The following SLC25A26 variants were observed in gnomAD, a reference collection of about 807,000 sequenced individuals.
The protein encoded by SLC25A26 is solute carrier family 25 member 26, also known as mitochondrial S-adenosylmethionine carrier protein.
SLC25A26 carries 36 observed loss-of-function variants against 37.8 expected under a neutral mutation model. The observed-to-expected ratio is 0.95, with a 90% confidence interval of 0.73 to 1.26. The LOEUF is 1.26. SLC25A26 is among the 50% of genes most tolerant of loss of function. The pLI is 0.00. For missense variants in SLC25A26, 390 were observed against 331.1 expected (o/e 1.18, Z -1.38); for synonymous variants, 129 against 122.5 (o/e 1.05, Z -0.35).
At chr3:66,181,824 T>C (rs1048208007) in intron 1 of SLC25A26, among the ~76,000 whole-genome samples, 1 of 150,410 alleles carries the variant, frequency 6.6e-6, no homozygotes, top group Non-Finnish European at 1.5e-5. Context: ...GTATTGAGTT[T>C]CTATCACATT....
chr3:66,148,611 T>C (rs760494641), intron 1 of SLC25A26, among the ~76,000 whole-genome samples: 2 of 152,258 alleles, frequency 1.3e-5, no homozygotes, highest in Non-Finnish European at 2.9e-5. Flanking sequence ...GAATAAGCTG[T>C]GCTGACAGCA....
At chr3:66,161,694 T>G (rs528601518) in intron 1 of SLC25A26, among the ~76,000 whole-genome samples, 1 of 152,332 alleles carries the variant, frequency 6.6e-6, no homozygotes, top group East Asian at 1.9e-4. Context: ...CATAATATTT[T>G]TTCATTCATA....
chr3:66,373,677 T>A (rs78628232), intron 9 of SLC25A26, among the ~76,000 whole-genome samples: 1 of 49,462 alleles, frequency 2.0e-5, no homozygotes, highest in South Asian at 4.0e-4. Context: ...TGATGCTGAT[T>A]TTTTTTTTTT....
intron 1 of SLC25A26, among the ~76,000 whole-genome samples, chr3:66,150,620 ATATATATATATATATATATAT>A (rs2070191493): frequency 2.0e-5 from 1 of 50,540 alleles, no homozygotes; most frequent in South Asian, 6.5e-4. Flanking sequence ...ATATATATAT[ATATATATATATATATATATAT>A]ATATATATAT....
In SLC25A26 at chr3:66,370,613, G is replaced by T. The variant is rs756028804; in HGVS notation, c.707+11G>T. On this transcript the variant is annotated intron_variant, in intron 9 of 9. Transcript: ENST00000354883. ...ACAGGGGCTGGCAGGGTAAGACGAG[G>T]AATGCCCTCCTTCCTTTCTTCCTCT... 3.1e-6 allele frequency: 5 copies of T among 1,610,174 alleles called. No homozygotes were observed. The highest frequency in any genetic ancestry group is 4.2e-6 in the Non-Finnish European group (5 of 1,177,228).
At chr3:66,350,781 C>A (rs1425878206) in intron 6 of SLC25A26, among the ~76,000 whole-genome samples, 2 of 152,050 alleles carry the variant, frequency 1.3e-5, no homozygotes, top group African/African-American at 4.8e-5. Flanking sequence ...GAATAGCCTC[C>A]TTACTGCCTC....
chr3:66,173,880 G>A lies in SLC25A26; in HGVS notation c.-354+39896G>A, dbSNP rs1335801523. Among the ~76,000 whole-genome samples the A allele has an allele frequency of 2.8e-5, 4 of 142,374 alleles. No homozygotes were observed. The East Asian group carries it at 7.8e-4, about 28-fold the overall frequency. The allele number at this position is 142,374 out of a possible 152,430, so 93.4% of individuals were successfully genotyped here. ...AGCCTGGCCAATATGGTGTAACCCT[G>A]TCTCTACTAAAAACACAAAAAAATT... On this transcript the variant is annotated intron_variant, in intron 1 of 10. Transcript: ENST00000676754.
chr3:66,310,696 A>G lies in SLC25A26; in HGVS notation c.454-35668A>G, dbSNP rs147852030. 4.9e-3 allele frequency among the ~76,000 whole-genome samples: 744 copies of G among 152,302 alleles called. 11 individuals carry two copies. The highest frequency in any genetic ancestry group is 0.013 in the African/African-American group (547 of 41,564). On this transcript the variant is annotated intron_variant, in intron 5 of 9. Transcript: ENST00000354883. ...TTGTAAGGCAGGCCCGGTGGTGACAAAATCTCTTAGCATTTGCTTGTCTGT... is the reference window on the plus strand; with the variant it reads ...TTGTAAGGCAGGCCCGGTGGTGACAGAATCTCTTAGCATTTGCTTGTCTGT...
chr3:66,227,068 T>G (rs2106924486), intron 1 of SLC25A26, among the ~76,000 whole-genome samples: 1 of 152,352 alleles, frequency 6.6e-6, no homozygotes, highest in African/African-American at 2.4e-5. Context: ...TCATACTGCT[T>G]TCTCAGTTTG....
At chr3:66,263,245 CAA>C in intron 4 of SLC25A26, 85 bp from the exon 5 acceptor site, 1 of 902,462 alleles carries the variant, frequency 1.1e-6, no homozygotes, top group South Asian at 1.4e-5. Flanking sequence ...AGAACTCAAA[CAA>C]GAGCAGGTAG....
intron 5 of SLC25A26, among the ~76,000 whole-genome samples, chr3:66,297,329 A>T (rs1167906516): frequency 3.0e-5 from 1 of 33,450 alleles, no homozygotes. Flanking sequence ...ACTCCATCTC[A>T]AAAAAAAAAA....
At chr3:66,161,917 C>T (rs746890412) in intron 1 of SLC25A26, among the ~76,000 whole-genome samples, 3 of 152,084 alleles carry the variant, frequency 2.0e-5, no homozygotes, top group African/African-American at 2.4e-5. Context: ...GAAAAATGAA[C>T]GATGGTGTGA....
chr3:66,206,395 A>G (rs2071177613), intron 1 of SLC25A26, among the ~76,000 whole-genome samples: 1 of 152,180 alleles, frequency 6.6e-6, no homozygotes, highest in Non-Finnish European at 1.5e-5. Flanking sequence ...GTTGTGCACC[A>G]TTTAAGCCCA....
intron 9 of SLC25A26, among the ~76,000 whole-genome samples, chr3:66,375,589 C>T (rs987481888): frequency 1.1e-4 from 16 of 152,164 alleles, no homozygotes; most frequent in Non-Finnish European, 1.3e-4. Flanking sequence ...ATCGACTCTG[C>T]CTCTGCTGTA....
chr3:66,370,661 C>T (rs1700297954), intron 9 of SLC25A26, 59 bp downstream of exon 9: 1 of 1,411,314 alleles, frequency 7.1e-7, no homozygotes, highest in African/African-American at 1.4e-5. Context: ...CTCCTTTAGC[C>T]TAACTTTGGA....
chr3:66,241,949 C>A (rs1267024928), intron 2 of SLC25A26, among the ~76,000 whole-genome samples: 1 of 151,600 alleles, frequency 6.6e-6, no homozygotes, highest in Non-Finnish European at 1.5e-5. Context: ...GAACTATAGG[C>A]ATCAGCTAGC....
At chr3:66,165,389 C>A (rs1431330541) in intron 1 of SLC25A26, among the ~76,000 whole-genome samples, 1 of 152,198 alleles carries the variant, frequency 6.6e-6, no homozygotes, top group Admixed American at 6.5e-5. Context: ...AGATCTATTA[C>A]ATTAAGCTCC....
upstream of SLC25A26, chr3:66,220,895 C>T (rs1011010264): frequency 1.3e-5 from 8 of 629,692 alleles, no homozygotes; most frequent in Non-Finnish European, 2.2e-5. Context: ...CACCACACTC[C>T]CCGAGGCCCC....
chr3:66,252,152 C>G (rs2073108804), intron 3 of SLC25A26, among the ~76,000 whole-genome samples: 1 of 152,208 alleles, frequency 6.6e-6, no homozygotes, highest in Admixed American at 6.5e-5. Flanking sequence ...TGGCCACTTC[C>G]AAGCGAGCCT....
Sources: gnomAD v4.1 joint callset for allele counts (sites outside exome capture counted in the v4.1 genomes callset) on GRCh38, gnomAD v4.1.1 for gene constraint, MANE v1.5 for transcripts, NCBI Gene and HGNC (gene_info 2026-07-23, HGNC 2026-07-21) for gene names.